CYP2C18: variants seen among roughly 807,000 people sequenced by gnomAD.
CYP2C18 encodes cytochrome P450 family 2 subfamily C member 18, also known as cytochrome P450 2C18.
In CYP2C18, 38 loss-of-function variants were observed where a neutral mutation model predicts 41.3. The observed-to-expected ratio is 0.92, with a 90% CI of 0.71 to 1.21. CYP2C18 has a LOEUF of 1.21. Ranked by LOEUF, CYP2C18 falls within the 50% of genes most tolerant of loss-of-function variation. CYP2C18 has a pLI of 0.00. For missense variants in CYP2C18, 635 were observed against 591.4 expected, an observed-to-expected ratio of 1.07 and a Z score of -0.77; for synonymous variants, 236 against 210.0, an observed-to-expected ratio of 1.12 and a Z score of -1.07.
intron 5 of CYP2C18, among the ~76,000 whole-genome samples, chr10:94,717,535 C>T (rs1481130622): frequency 6.6e-6 from 1 of 151,696 alleles, no homozygotes; most frequent in South Asian, 2.1e-4. Context: ...CTTGTATTGC[C>T]CAGATCAATG....
intron 5 of CYP2C18, among the ~76,000 whole-genome samples, chr10:94,708,414 C>T (rs1231112615): frequency 6.6e-6 from 1 of 152,066 alleles, no homozygotes; most frequent in Non-Finnish European, 1.5e-5. Context: ...AGGGGGGTTT[C>T]CTTAATGCTA....
chr10:94,725,792 T>A (rs1847730118), intron 7 of CYP2C18, among the ~76,000 whole-genome samples: 1 of 152,106 alleles, frequency 6.6e-6, no homozygotes, highest in South Asian at 2.1e-4. Context: ...CACAGAGACA[T>A]ACACAGCTGG....
intron 3 of CYP2C18, among the ~76,000 whole-genome samples, chr10:94,692,486 A>C (rs1847021225): frequency 6.6e-6 from 1 of 152,186 alleles, no homozygotes; most frequent in Non-Finnish European, 1.5e-5. Context: ...ATCTCACACC[A>C]GTTAGAATGG....
At chr10:94,697,806 A>G (rs1386339345) in intron 4 of CYP2C18, among the ~76,000 whole-genome samples, 1 of 152,188 alleles carries the variant, frequency 6.6e-6, no homozygotes. Flanking sequence ...CAAATGGAAA[A>G]CAAGGAAAGG....
chr10:94,691,720 A>T (rs11188055), intron 3 of CYP2C18, among the ~76,000 whole-genome samples: 1 of 152,208 alleles, frequency 6.6e-6, no homozygotes, highest in African/African-American at 2.4e-5. Context: ...TGCCAAGTCA[A>T]TCCTAAGCCA....
Position 94,684,003 on chromosome 10 carries a change from G to A in CYP2C18, c.168+16G>A, listed in dbSNP as rs769197924. ...CTTAACCAATGTAAGTATGCTTTAT[G>A]TTCCTCCAGTAATGTACAAGGTGTA... On this transcript the variant is annotated intron_variant, in intron 1 of 8. Transcript: ENST00000285979. 4.4e-6 allele frequency: 7 copies of A among 1,573,410 alleles called. No individual in the cohort carries two copies. The highest frequency in any genetic ancestry group is 1.8e-4 in the Middle Eastern group (1 of 5,522).
At chr10:94,715,187 A>G (rs1226106817) in intron 5 of CYP2C18, among the ~76,000 whole-genome samples, 1 of 152,104 alleles carries the variant, frequency 6.6e-6, no homozygotes. Context: ...CTCCTGCCTG[A>G]TTACTCTGGC....
At chr10:94,711,253 G>A (rs1224620848) in intron 5 of CYP2C18, among the ~76,000 whole-genome samples, 1 of 151,876 alleles carries the variant, frequency 6.6e-6, no homozygotes, top group Non-Finnish European at 1.5e-5. Context: ...ACTAGATCAA[G>A]TTGACTATTA....
intron 7 of CYP2C18, among the ~76,000 whole-genome samples, chr10:94,730,275 T>C (rs891001902): frequency 6.6e-6 from 1 of 152,178 alleles, no homozygotes; most frequent in African/African-American, 2.4e-5. Context: ...TGTAAGCAAC[T>C]GTCCCCCTAC....
chr10:94,703,576 C>T (rs983157550), intron 4 of CYP2C18, among the ~76,000 whole-genome samples: 2 of 152,106 alleles, frequency 1.3e-5, no homozygotes, highest in East Asian at 3.9e-4. Context: ...TGGTGGACTC[C>T]CCTCCCTCCC....
At chr10:94,692,377 A>C (rs139509688) in intron 3 of CYP2C18, among the ~76,000 whole-genome samples, 3,062 of 145,432 alleles carry the variant, frequency 0.021, 106 homozygotes, top group African/African-American at 0.066. Context: ...TGAGCAGACA[A>C]TTCTCAAAAG....
chr10:94,694,438 T>G (rs535701040), intron 3 of CYP2C18, among the ~76,000 whole-genome samples: 1 of 152,320 alleles, frequency 6.6e-6, no homozygotes, highest in African/African-American at 2.4e-5. Flanking sequence ...TTTCTGTCTT[T>G]AGTCTCCCCC....
At chr10:94,692,580 A>C (rs1847023603) in intron 3 of CYP2C18, among the ~76,000 whole-genome samples, 1 of 152,312 alleles carries the variant, frequency 6.6e-6, no homozygotes, top group Non-Finnish European at 1.5e-5. Flanking sequence ...GTGGGACTGT[A>C]AACTAGTTTA....
intron 8 of CYP2C18, among the ~76,000 whole-genome samples, chr10:94,734,248 A>T (rs1216318543): frequency 6.6e-6 from 1 of 152,124 alleles, no homozygotes; most frequent in East Asian, 1.9e-4. Flanking sequence ...ACTCATGATC[A>T]TACATCTTGG....
At chr10:94,694,466 C>T (rs965566827) in intron 3 of CYP2C18, among the ~76,000 whole-genome samples, 18 of 152,156 alleles carry the variant, frequency 1.2e-4, no homozygotes, top group African/African-American at 4.3e-4. Context: ...GTACTACACA[C>T]AGTTACTTTA....
At chr10:94,709,081 A>G (rs1372915831) in intron 5 of CYP2C18, among the ~76,000 whole-genome samples, 1 of 152,174 alleles carries the variant, frequency 6.6e-6, no homozygotes, top group African/African-American at 2.4e-5. Flanking sequence ...TCTTGGGTAT[A>G]TACTTGGCTG....
rs763429892 is a variant in CYP2C18, at chr10:94,688,283, CT to C, written c.481+19del. On this transcript the variant is annotated intron_variant, in intron 3 of 8. Transcript: ENST00000285979. ...GTTGAGAAAAACCAATGGTGGGTGACTTTTTTTTTTCCTGAAAAATGTTTTC... is the reference window on the plus strand; with the variant it reads ...GTTGAGAAAAACCAATGGTGGGTGACTTTTTTTTTCCTGAAAAATGTTTTC... The C allele has an allele frequency of 6.2e-4, 904 of 1,464,040 alleles. 1 individual carries two copies. The highest frequency in any genetic ancestry group is 2.6e-3 in the Middle Eastern group (14 of 5,432). 90.7% of individuals were successfully genotyped at this position (1,464,040 alleles called of 1,614,324 possible). A position where few individuals can be genotyped will look rare whatever the true frequency, so the allele number is the denominator to read the frequency against.
chr10:94,713,603 C>G (rs1847484758), intron 5 of CYP2C18, among the ~76,000 whole-genome samples: 1 of 152,114 alleles, frequency 6.6e-6, no homozygotes, highest in South Asian at 2.1e-4. Context: ...GGGTTGGTTC[C>G]AAGTCTTTGT....
intron 1 of CYP2C18, among the ~76,000 whole-genome samples, chr10:94,685,751 T>A (rs72816638): frequency 0.18 from 26,801 of 152,184 alleles, 2,619 homozygotes; most frequent in South Asian, 0.33. Context: ...CTTTAATCAG[T>A]GTGTCTATTT....
Sources: gnomAD v4.1 joint callset for allele counts (sites outside exome capture counted in the v4.1 genomes callset) on GRCh38, gnomAD v4.1.1 for gene constraint, MANE v1.5 for transcripts, NCBI Gene and HGNC (gene_info 2026-07-23, HGNC 2026-07-21) for gene names.